Variants in CYP39A1 observed in about 807,000 individuals in gnomAD.
The protein encoded by CYP39A1 is cytochrome P450 family 39 subfamily A member 1, also known as 24-hydroxycholesterol 7-alpha-hydroxylase.
In CYP39A1, 49 loss-of-function variants were observed where a neutral mutation model predicts 58.1. The ratio of observed to expected loss-of-function variants is 0.84; its 90% confidence interval spans 0.67 to 1.07. CYP39A1 has a LOEUF of 1.07. Among genes scored for constraint, CYP39A1 ranks in the 50% least tolerant of loss-of-function variants. The probability of loss-of-function intolerance (pLI) is 0.00; values close to 1 mark genes in which losing one functional copy is unlikely to be tolerated. For missense variants in CYP39A1, 531 were observed against 539.4 expected (o/e 0.98, Z 0.16); for synonymous variants, 209 against 187.6 (o/e 1.11, Z -0.93).
At chr6:46,557,956 A>T (rs531611781) in intron 10 of CYP39A1, among the ~76,000 whole-genome samples, 1 of 148,248 alleles carries the variant, frequency 6.7e-6, no homozygotes, top group African/African-American at 2.5e-5. Context: ...AAAAAAAAAG[A>T]AAAAAAGAAA....
At chr6:46,607,890 A>G in intron 7 of CYP39A1, among the ~76,000 whole-genome samples, 1 of 152,214 alleles carries the variant, frequency 6.6e-6, no homozygotes. Flanking sequence ...CCTCTGTGTC[A>G]TGACTAAGTT....
At position 46,596,080 on chromosome 6, in the gene CYP39A1, A is replaced by T. The variant is rs7761731; in HGVS notation, c.972T>A (p.Asn324Lys). ...AAACACACCATTTAATTAGAAGGAGATTCTCCAGGTCATCCTCAGACACTT... is the reference window on the plus strand; with the variant it reads ...AAACACACCATTTAATTAGAAGGAGTTTCTCCAGGTCATCCTCAGACACTT... Reference protein sequence around the residue: ...KIKVSEDDLENLLLIKWCVLE... With the variant: ...KIKVSEDDLEKLLLIKWCVLE... The change falls in exon 8 of 12, where the codon AAT (asparagine) becomes AAA (lysine). Residue 324 changes from asparagine (N) to lysine (K), a missense_variant. Asn to Lys is a moderately conservative substitution (Grantham distance 94). Coordinates refer to ENST00000275016, the MANE Select transcript of CYP39A1 (RefSeq NM_016593.5). 478,645 of 1,607,776 alleles carry T rather than the reference A, an allele frequency of 0.3. 82,804 individuals carry two copies. Among genetic ancestry groups the T allele is most frequent in the African/African-American group, 0.65 (48,539 of 74,556 alleles).
intron 1 of CYP39A1, among the ~76,000 whole-genome samples, chr6:46,652,064 C>G (rs958721084): frequency 1.3e-5 from 2 of 152,196 alleles, no homozygotes; most frequent in African/African-American, 4.8e-5. Flanking sequence ...TTTTCACAAA[C>G]TTAAATTGGA....
At chr6:46,622,380 C>A (rs1379762900) in intron 7 of CYP39A1, among the ~76,000 whole-genome samples, 1 of 151,994 alleles carries the variant, frequency 6.6e-6, no homozygotes, top group African/African-American at 2.4e-5. Flanking sequence ...ATGCATGTTA[C>A]ATGCACACAA....
At chr6:46,628,241 A>G (rs1775437616) in intron 6 of CYP39A1, among the ~76,000 whole-genome samples, 2 of 152,218 alleles carry the variant, frequency 1.3e-5, no homozygotes, top group South Asian at 4.1e-4. Context: ...TTCCTGTCCA[A>G]AGTATTTTCA....
intron 10 of CYP39A1, among the ~76,000 whole-genome samples, chr6:46,564,120 AT>A (rs1378279559): frequency 0.031 from 4,186 of 133,738 alleles, 357 homozygotes; most frequent in African/African-American, 0.09. Context: ...ATTTTATTCT[AT>A]TTTATTCTAT....
intron 5 of CYP39A1, among the ~76,000 whole-genome samples, chr6:46,631,372 A>G (rs992385658): frequency 2.0e-5 from 3 of 152,142 alleles, no homozygotes; most frequent in Admixed American, 6.6e-5. Flanking sequence ...TCATCCATAA[A>G]ATGTTCATAA....
intron 10 of CYP39A1, among the ~76,000 whole-genome samples, chr6:46,577,626 T>C (rs1771907705): frequency 6.6e-6 from 1 of 152,062 alleles, no homozygotes; most frequent in African/African-American, 2.4e-5. Flanking sequence ...TAGGGGTTGT[T>C]ATTCTTACTT....
At chr6:46,630,856 C>A in intron 6 of CYP39A1, 107 bp downstream of exon 6, 25 of 891,302 alleles carry the variant, frequency 2.8e-5, no homozygotes, top group East Asian at 5.1e-5. Context: ...TTTTTCTTTT[C>A]CATAATGAGT....
At chr6:46,619,798 T>C in intron 7 of CYP39A1, among the ~76,000 whole-genome samples, 1 of 152,154 alleles carries the variant, frequency 6.6e-6, no homozygotes. Flanking sequence ...ACTGTTACTT[T>C]ACTCATCTTC....
intron 7 of CYP39A1, among the ~76,000 whole-genome samples, chr6:46,601,251 A>T (rs954898749): frequency 1.3e-5 from 2 of 152,162 alleles, no homozygotes; most frequent in African/African-American, 4.8e-5. Flanking sequence ...ACATCATTCC[A>T]TCTCCATTGC....
chr6:46,550,238 G>A lies in CYP39A1; in HGVS notation c.*128C>T. On this transcript the variant is annotated 3_prime_UTR_variant, in exon 12 of 12. Transcript: ENST00000275016. ...TACCAAACACATGCACCATTTGAAT[G>A]TGTTCTTGAACTAAGTCCTAAAACA... The A allele has an allele frequency of 1.6e-6, 1 of 617,464 alleles. No individual in the cohort carries two copies. The highest frequency in any genetic ancestry group is 2.8e-6 in the Non-Finnish European group (1 of 357,228). The allele number at this position is 617,464 out of a possible 1,614,324, so 38.2% of individuals were successfully genotyped here.
chr6:46,624,883 T>C lies in CYP39A1; in HGVS notation c.931+535A>G, dbSNP rs557844112. Among the ~76,000 whole-genome samples the C allele has an allele frequency of 7.2e-5, 11 of 152,300 alleles. No individual in the cohort carries two copies. In the South Asian group the frequency reaches 2.3e-3, roughly 32 times the overall value. ...AAGAGTTCAAGGCAACAATCCCTAT[T>C]TGCAGCTCCTAAATCCTCAAATTTC... is the stretch of plus-strand genomic sequence containing the variant. On this transcript the variant is annotated intron_variant, in intron 7 of 11. Coordinates refer to ENST00000275016, the MANE Select transcript of CYP39A1 (RefSeq NM_016593.5).
chr6:46,567,228 A>C (rs1469758429), intron 10 of CYP39A1, among the ~76,000 whole-genome samples: 1 of 152,108 alleles, frequency 6.6e-6, no homozygotes, highest in African/African-American at 2.4e-5. Flanking sequence ...GACTTTATGT[A>C]GGATTTGTCT....
intron 10 of CYP39A1, among the ~76,000 whole-genome samples, chr6:46,584,403 C>T (rs1444760587): frequency 6.6e-6 from 1 of 152,080 alleles, no homozygotes; most frequent in African/African-American, 2.4e-5. Flanking sequence ...TTTCCACCAC[C>T]TCTACCAGAC....
At chr6:46,606,991 C>A (rs754589927) in intron 7 of CYP39A1, among the ~76,000 whole-genome samples, 1 of 152,168 alleles carries the variant, frequency 6.6e-6, no homozygotes, top group Admixed American at 6.5e-5. Context: ...ATTTATTCCT[C>A]ATAGATATCT....
chr6:46,564,891 T>C (rs957980490), intron 10 of CYP39A1, among the ~76,000 whole-genome samples: 1 of 152,196 alleles, frequency 6.6e-6, no homozygotes, highest in African/African-American at 2.4e-5. Context: ...CATAGTGTCA[T>C]AGGCATCATT....
intron 7 of CYP39A1, 99 bp downstream of exon 7, chr6:46,625,319 T>C: frequency 2.5e-6 from 2 of 796,556 alleles, no homozygotes; most frequent in South Asian, 2.3e-5. Flanking sequence ...TTTTGGATTA[T>C]GTTGAATTTT....
intron 10 of CYP39A1, among the ~76,000 whole-genome samples, chr6:46,579,334 A>C (rs1380036861): frequency 6.6e-6 from 1 of 152,106 alleles, no homozygotes; most frequent in East Asian, 1.9e-4. Context: ...ACCCTCAACA[A>C]ACTAGGCATA....
Sources: gnomAD v4.1 joint callset for allele counts (sites outside exome capture counted in the v4.1 genomes callset) on GRCh38, gnomAD v4.1.1 for gene constraint, MANE v1.5 for transcripts, NCBI Gene and HGNC (gene_info 2026-07-23, HGNC 2026-07-21) for gene names.